The following KIFC2 variants were observed in gnomAD, a reference collection of about 807,000 sequenced individuals.
KIFC2 encodes the protein kinesin family member C2.
In KIFC2, 94 loss-of-function variants were observed where a neutral mutation model predicts 91.5. The observed-to-expected ratio is 1.03, with a 90% CI of 0.87 to 1.22. KIFC2 has a LOEUF of 1.22. Ranked by LOEUF, KIFC2 falls within the 50% of genes most tolerant of loss-of-function variation. The pLI is 0.00. For synonymous variants in KIFC2, 729 were observed against 503.9 expected, an observed-to-expected ratio of 1.45 and a Z score of -5.98; for missense variants, 1,357 against 1,103.3, an observed-to-expected ratio of 1.23 and a Z score of -3.26.
Position 144,469,483 on chromosome 8 carries a change from A to G in KIFC2, c.1223-7A>G, listed in dbSNP as rs778051885. ...GAGGCATTATGCTGACCTGATCCCC[A>G]CTGCAGGAAATATCCGTGTGCTGTG... On this transcript the variant is annotated splice_region_variant and splice_polypyrimidine_tract_variant and intron_variant, in intron 11 of 17. Coordinates refer to ENST00000645548, the MANE Select transcript of KIFC2 (RefSeq NM_001369769.2). 2.5e-6 allele frequency: 4 copies of G among 1,613,996 alleles called. No individual in the cohort carries two copies. The highest frequency in any genetic ancestry group is 1.7e-5 in the Admixed American group (1 of 60,018).
At chr8:144,467,182 G>A in intron 3 of KIFC2, 21 bp from the exon 4 acceptor site, 1 of 1,613,354 alleles carries the variant, frequency 6.2e-7, no homozygotes, top group Non-Finnish European at 8.5e-7. Context: ...AGCCCTGCTC[G>A]GATTCTTGTC....
In KIFC2 at chr8:144,467,047, C is replaced by T. The variant is rs765126060; in HGVS notation, c.267C>T (p.Ala89=). The change falls in exon 3 of 18, where the codon GCC becomes GCT. Residue 89 remains alanine (A), a synonymous_variant. Coordinates refer to ENST00000645548, the MANE Select transcript of KIFC2 (RefSeq NM_001369769.2). ...VSLEEALLRL[A]EFLSVQLGAE... is the part of the protein sequence containing the mutation. Reference sequence around the variant, plus strand: ...TGGAAGAGGCCCTACTGCGCCTCGCCGAGTTCCTCTCCGTCCAGCTGGGGG... The same window carrying T: ...TGGAAGAGGCCCTACTGCGCCTCGCTGAGTTCCTCTCCGTCCAGCTGGGGG... The T allele has an allele frequency of 4.4e-6, 7 of 1,594,078 alleles. No homozygotes were observed. Among genetic ancestry groups the T allele is most frequent in the African/African-American group, 2.7e-5 (2 of 74,592 alleles).
In KIFC2 at chr8:144,472,784, C is replaced by A. The variant is rs553720567; in HGVS notation, c.1862-11C>A. On this transcript the variant is annotated splice_polypyrimidine_tract_variant and intron_variant, in intron 16 of 17. Transcript: ENST00000645548. ...GGCCTTCCCCCATGTCGGGCTCGCT[C>A]GCCCCTCTAGGCACGCTGCACCTGG... 2.5e-6 allele frequency: 4 copies of A among 1,591,438 alleles called. No individual in the cohort carries two copies. The African/African-American group carries it at 4.0e-5, about 16-fold the overall frequency.
At chr8:144,467,811 G>T in intron 6 of KIFC2, 32 bp downstream of exon 6, 1 of 1,613,504 alleles carries the variant, frequency 6.2e-7, no homozygotes, top group East Asian at 2.2e-5. Context: ...GCAGGGCCGG[G>T]CATGGAGGGG....
chr8:144,466,849 G>T lies in KIFC2; in HGVS notation c.178+11G>T. 1.3e-6 allele frequency: 2 copies of T among 1,536,736 alleles called. No homozygotes were observed. Among genetic ancestry groups the T allele is most frequent in the Non-Finnish European group, 1.7e-6 (2 of 1,147,974 alleles). ...TGACCGGCCTGGCCGGTAGGTGCGG[G>T]CTGGGAGTCCCGCGGTGCGAGGGCG... is the stretch of plus-strand genomic sequence containing the variant. On this transcript the variant is annotated intron_variant, in intron 2 of 17. Coordinates refer to ENST00000645548, the MANE Select transcript of KIFC2 (RefSeq NM_001369769.2).
Position 144,472,799 on chromosome 8 carries a change from G to GC in KIFC2, c.1867dup (p.Leu623ProfsTer225). The stretch of plus-strand genomic sequence containing the variant: ...CGGGCTCGCTCGCCCCTCTAGGCAC[G>GC]CTGCACCTGGTGGACCTGGCGGGAT... On this transcript the variant is annotated frameshift_variant, in exon 17 of 18. Coordinates refer to ENST00000645548, the MANE Select transcript of KIFC2 (RefSeq NM_001369769.2). LOFTEE classifies it high-confidence loss of function. The GC allele has an allele frequency of 1.3e-6, 2 of 1,589,474 alleles. No homozygotes were observed. Among genetic ancestry groups the GC allele is most frequent in the Non-Finnish European group, 1.7e-6 (2 of 1,176,266 alleles).
chr8:144,469,430 T>C (rs768753695), intron 11 of KIFC2, 51 bp downstream of exon 11: 20 of 1,612,544 alleles, frequency 1.2e-5, no homozygotes, highest in Non-Finnish European at 1.7e-5. Flanking sequence ...CTGGAAGAAG[T>C]GCAGCTTCTC....
chr8:144,467,812 C>T (rs772732910), intron 6 of KIFC2, 33 bp downstream of exon 6: 31 of 1,613,332 alleles, frequency 1.9e-5, no homozygotes, highest in Non-Finnish European at 2.4e-5. Flanking sequence ...CAGGGCCGGG[C>T]ATGGAGGGGG....
Position 144,473,221 on chromosome 8 carries a change from G to A in KIFC2, c.2208G>A (p.Arg736=), listed in dbSNP as rs1266839865. Residue 736 remains arginine, a synonymous_variant, in exon 18 of 18, where the codon CGG becomes CGA. Transcript: ENST00000645548. The stretch of plus-strand genomic sequence containing the variant: ...GTCAAGTGGAGCTGGGGCCAGCCCG[G>A]CGCCGCAGGGTCCCGCGCTCCTCCG... ...RVGQVELGPA[R]RRRVPRSSGT... 5.6e-6 allele frequency: 9 copies of A among 1,593,852 alleles called. No homozygotes were observed. Among genetic ancestry groups the A allele is most frequent in the Non-Finnish European group, 7.7e-6 (9 of 1,171,430 alleles).
chr8:144,469,429 G>C (rs1247267857), intron 11 of KIFC2, 50 bp downstream of exon 11: 8 of 1,612,894 alleles, frequency 5.0e-6, no homozygotes, highest in African/African-American at 1.3e-5. Context: ...GCTGGAAGAA[G>C]TGCAGCTTCT....
chr8:144,473,467 C>T lies in KIFC2; in HGVS notation c.*78C>T. 1 of 1,467,170 alleles carries T rather than the reference C, an allele frequency of 6.8e-7. No homozygotes were observed. Among genetic ancestry groups the T allele is most frequent in the Non-Finnish European group, 9.0e-7 (1 of 1,111,770 alleles). The allele number at this position is 1,467,170 out of a possible 1,614,324, so 90.9% of individuals were successfully genotyped here. A position where few individuals can be genotyped will look rare whatever the true frequency, so the allele number is the denominator to read the frequency against. ...AGGCGGTAGTAAAGTCCCTGTACCCCGTCTCCCAGGGCACAAGCTCCCTAG... is the reference window on the plus strand; with the variant it reads ...AGGCGGTAGTAAAGTCCCTGTACCCTGTCTCCCAGGGCACAAGCTCCCTAG... On this transcript the variant is annotated 3_prime_UTR_variant, in exon 18 of 18. Coordinates refer to ENST00000645548, the MANE Select transcript of KIFC2 (RefSeq NM_001369769.2).
chr8:144,467,518 T>C lies in KIFC2; in HGVS notation c.503T>C (p.Phe168Ser), dbSNP rs1191924791. Residue 168 changes from phenylalanine (F) to serine (S), a missense_variant, in exon 5 of 18, where the codon TTC becomes TCC. Transcript: ENST00000645548. ...TCCCAAGAAGAAAGCCCTTCCCACTTCACCGCAGTCCCAGGCGAGCCACTG... is the reference window on the plus strand; with the variant it reads ...TCCCAAGAAGAAAGCCCTTCCCACTCCACCGCAGTCCCAGGCGAGCCACTG... ...STSQEESPSH[F>S]TAVPGEPLGD... The C allele has an allele frequency of 6.3e-7, 1 of 1,592,684 alleles. No homozygotes were observed. The highest frequency in any genetic ancestry group is 1.8e-5 in the Admixed American group (1 of 55,992).
At chr8:144,467,817 A>G (rs770490736) in intron 6 of KIFC2, 38 bp downstream of exon 6, 2 of 1,613,354 alleles carry the variant, frequency 1.2e-6, no homozygotes, top group East Asian at 4.5e-5. Context: ...CCGGGCATGG[A>G]GGGGGTGCTT....
chr8:144,471,838 A>G, intron 12 of KIFC2, 104 bp from the exon 13 acceptor site: 1 of 946,884 alleles, frequency 1.1e-6, no homozygotes, highest in Non-Finnish European at 1.7e-6. Flanking sequence ...CCAGGAGACT[A>G]GGCTCTGCTC....
rs201640067 is a variant in KIFC2, at chr8:144,467,470, C to G, written c.470-15C>G. 2.6e-6 allele frequency: 4 copies of G among 1,551,140 alleles called. No homozygotes were observed. Among genetic ancestry groups the G allele is most frequent in the South Asian group, 1.2e-5 (1 of 80,072 alleles). On this transcript the variant is annotated splice_polypyrimidine_tract_variant and intron_variant, in intron 4 of 17. Transcript: ENST00000645548. Reference sequence around the variant, plus strand: ...AGAGACCTCTTCAGTGCTAACTGGGCCCACCCTACTCCAGGATCCACATCC... The same window carrying G: ...AGAGACCTCTTCAGTGCTAACTGGGGCCACCCTACTCCAGGATCCACATCC...
chr8:144,472,289 C>T, intron 14 of KIFC2, 30 bp downstream of exon 14: 1 of 1,613,422 alleles, frequency 6.2e-7, no homozygotes. Flanking sequence ...AGGCCTTCTC[C>T]CCACCCCTGG....
chr8:144,468,840 G>T lies in KIFC2; in HGVS notation c.1113+6G>T. The stretch of plus-strand genomic sequence containing the variant: ...TGAGTGAGGCCCGGGGCCAGGTCAG[G>T]ACCCCTCCCCGCCTAGCCCCTCCTC... On this transcript the variant is annotated splice_donor_region_variant and intron_variant, in intron 10 of 17. Transcript: ENST00000645548. 1 of 1,609,876 alleles carries T rather than the reference G, an allele frequency of 6.2e-7. No homozygotes were observed. Among genetic ancestry groups the T allele is most frequent in the Non-Finnish European group, 8.5e-7 (1 of 1,176,536 alleles).
At chr8:144,471,470 C>G (rs2130011253) in intron 12 of KIFC2, among the ~76,000 whole-genome samples, 1 of 152,200 alleles carries the variant, frequency 6.6e-6, no homozygotes, top group South Asian at 2.1e-4. Context: ...AACACCATGC[C>G]TGGCTAATTT....
In KIFC2 at chr8:144,474,072, C is replaced by T. The variant is rs1586726957; in HGVS notation, c.*683C>T. Reference sequence around the variant, plus strand: ...AGGGTGAGGGTTGTGCCCAGCTGGGCCACGGCCATGCGTGGGGTGGCCCAA... The same window carrying T: ...AGGGTGAGGGTTGTGCCCAGCTGGGTCACGGCCATGCGTGGGGTGGCCCAA... On this transcript the variant is annotated 3_prime_UTR_variant, in exon 18 of 18. Transcript: ENST00000645548. 1 of 617,098 alleles carries T rather than the reference C, an allele frequency of 1.6e-6. No individual in the cohort carries two copies. The highest frequency in any genetic ancestry group is 2.0e-5 in the South Asian group (1 of 49,672). 38.2% of individuals were successfully genotyped at this position (617,098 alleles called of 1,614,324 possible). A position where few individuals can be genotyped will look rare whatever the true frequency, so the allele number is the denominator to read the frequency against.
Sources: allele counts gnomAD v4.1 joint callset (sites outside exome capture counted in the v4.1 genomes callset), GRCh38; gene constraint gnomAD v4.1.1; transcripts MANE v1.5; gene names NCBI Gene and HGNC (gene_info 2026-07-23, HGNC 2026-07-21).